Variants in ITPR2 observed in about 807,000 individuals in gnomAD.
ITPR2 encodes inositol 1,4,5-trisphosphate-gated calcium channel ITPR2.
Under a neutral mutation model 317.1 loss-of-function variants are expected in ITPR2, and 207 were observed. The observed-to-expected ratio is 0.65, with a 90% CI of 0.58 to 0.73. The LOEUF is 0.73. ITPR2 is among the 30% of genes least tolerant of loss of function. ITPR2 has a pLI of 0.00. For missense variants in ITPR2, 2,613 were observed against 3,284.0 expected (o/e 0.80, Z 4.99); for synonymous variants, 1,156 against 1,149.1 (o/e 1.01, Z -0.12).
At chr12:26,537,041 T>G (rs936371191) in intron 37 of ITPR2, among the ~76,000 whole-genome samples, 1 of 151,430 alleles carries the variant, frequency 6.6e-6, no homozygotes, top group African/African-American at 2.4e-5. Context: ...GGCCAGGGAG[T>G]CTTCAAATAA....
intron 37 of ITPR2, among the ~76,000 whole-genome samples, chr12:26,500,279 A>G (rs1319427684): frequency 6.6e-6 from 1 of 152,248 alleles, no homozygotes; most frequent in African/African-American, 2.4e-5. Flanking sequence ...TTCTGGTGCC[A>G]GGGTTGCAAA....
chr12:26,367,764 G>C (rs1939054672), intron 55 of ITPR2, among the ~76,000 whole-genome samples: 1 of 152,196 alleles, frequency 6.6e-6, no homozygotes, highest in Admixed American at 6.5e-5. Flanking sequence ...TTGCCAGATA[G>C]AGAAATTGTA....
Position 26,483,683 on chromosome 12 carries a change from G to T in ITPR2, c.6012+15C>A, listed in dbSNP as rs778743535. 3.1e-6 allele frequency: 5 copies of T among 1,595,120 alleles called. No individual in the cohort carries two copies. The highest frequency in any genetic ancestry group is 1.1e-5 in the South Asian group (1 of 90,668). On this transcript the variant is annotated intron_variant, in intron 42 of 56. Coordinates refer to ENST00000381340, the MANE Select transcript of ITPR2 (RefSeq NM_002223.4). The stretch of plus-strand genomic sequence containing the variant: ...TTAATCCCTTTACTAATTAGTCATG[G>T]ATACTTCTGGTTACCTGATTTTCAT...
At chr12:26,383,472 T>C (rs1488719710) in intron 55 of ITPR2, among the ~76,000 whole-genome samples, 1 of 140,294 alleles carries the variant, frequency 7.1e-6, no homozygotes, top group Non-Finnish European at 1.5e-5. Context: ...GTTTTTTTGT[T>C]TGTTTGTTTG....
intron 45 of ITPR2, among the ~76,000 whole-genome samples, chr12:26,447,501 TG>T (rs1941635362): frequency 6.9e-6 from 1 of 145,728 alleles, no homozygotes; most frequent in Non-Finnish European, 1.5e-5. Context: ...CACTTCAGTA[TG>T]GGTCCAAGTA....
chr12:26,746,822 A>G (rs1592092052), intron 2 of ITPR2, among the ~76,000 whole-genome samples: 1 of 147,656 alleles, frequency 6.8e-6, no homozygotes, highest in South Asian at 2.2e-4. Flanking sequence ...GGGTGCATGC[A>G]TGTGTGTGTG....
intron 55 of ITPR2, among the ~76,000 whole-genome samples, chr12:26,341,692 T>G (rs1183323477): frequency 1.3e-5 from 2 of 152,256 alleles, no homozygotes; most frequent in East Asian, 3.8e-4. Context: ...AGTGACAGAT[T>G]CATTCATTCA....
intron 37 of ITPR2, among the ~76,000 whole-genome samples, chr12:26,523,916 C>T (rs1943736657): frequency 2.0e-5 from 3 of 152,214 alleles, no homozygotes. Flanking sequence ...TTGGCAGAGC[C>T]GCCTCAGTGG....
rs1942905460 is a variant in ITPR2 at position 26,495,222 on chromosome 12, A to T, written c.5112T>A (p.Phe1704Leu). 2.5e-6 allele frequency: 4 copies of T among 1,607,496 alleles called. No individual in the cohort carries two copies. Among genetic ancestry groups the T allele is most frequent in the African/African-American group, 1.3e-5 (1 of 74,788 alleles). ...TLRKILLNRY[F>L]KGDYSIGVNG... Reference sequence around the variant, plus strand: ...TCACACCAATACTATAATCACCTTTAAAGTATCGATTCAGAAGTATCTTTC... The same window carrying T: ...TCACACCAATACTATAATCACCTTTTAAGTATCGATTCAGAAGTATCTTTC... The change falls in exon 38 of 57, where the codon TTT (phenylalanine) becomes TTA (leucine). Residue 1704 changes from phenylalanine to leucine, a missense_variant. Phe to Leu is a conservative substitution (Grantham distance 22, BLOSUM62 0). Transcript: ENST00000381340.
chr12:26,399,816 G>A (rs1200732497), intron 53 of ITPR2, among the ~76,000 whole-genome samples: 1 of 152,198 alleles, frequency 6.6e-6, no homozygotes, highest in Admixed American at 6.5e-5. Flanking sequence ...ATAGGCAAGA[G>A]GCAACCTCGT....
At chr12:26,460,607 A>G (rs549094257) in intron 45 of ITPR2, among the ~76,000 whole-genome samples, 1 of 152,310 alleles carries the variant, frequency 6.6e-6, no homozygotes, top group South Asian at 2.1e-4. Context: ...GAGAAGGTGA[A>G]AAGTCTGGAG....
intron 54 of ITPR2, among the ~76,000 whole-genome samples, chr12:26,388,155 T>C (rs11048492): frequency 0.062 from 9,492 of 152,228 alleles, 961 homozygotes; most frequent in African/African-American, 0.22. Context: ...CCAGGCATTT[T>C]GGGCAGGGGG....
At chr12:26,796,661 G>T (rs1381746118) in intron 1 of ITPR2, among the ~76,000 whole-genome samples, 2 of 152,120 alleles carry the variant, frequency 1.3e-5, no homozygotes, top group Non-Finnish European at 2.9e-5. Context: ...GAACAAGAGT[G>T]TTCACGGCAA....
In ITPR2 at chr12:26,648,693, A is replaced by C. The variant is rs1166736288; in HGVS notation, c.2740+5283T>G. 2 of 152,096 alleles carry C rather than the reference A, an allele frequency of 1.3e-5. 1 individual carries two copies. The highest frequency in any genetic ancestry group is 4.1e-4 in the South Asian group (2 of 4,830). 9.4% of individuals were successfully genotyped at this position (152,096 alleles called of 1,614,324 possible). A position where few individuals can be genotyped will look rare whatever the true frequency, so the allele number is the denominator to read the frequency against. ...ATGATACAGAGTATTGTAATGTGGT[A>C]ACATTGCTATGACTCCTAACAGTTG... is the stretch of plus-strand genomic sequence containing the variant. On this transcript the variant is annotated intron_variant, in intron 21 of 56. Coordinates refer to ENST00000381340, the MANE Select transcript of ITPR2 (RefSeq NM_002223.4).
At chr12:26,647,837 G>C (rs7358639) in intron 21 of ITPR2, among the ~76,000 whole-genome samples, 1 of 152,212 alleles carries the variant, frequency 6.6e-6, no homozygotes, top group Admixed American at 6.5e-5. Flanking sequence ...CTACAGTGAA[G>C]GCCACAGCAG....
intron 2 of ITPR2, among the ~76,000 whole-genome samples, chr12:26,739,902 A>C (rs1026648235): frequency 6.6e-6 from 1 of 152,272 alleles, no homozygotes; most frequent in Non-Finnish European, 1.5e-5. Context: ...GAAAAAAGAT[A>C]AACTTTAAAG....
intron 55 of ITPR2, among the ~76,000 whole-genome samples, chr12:26,376,781 G>A (rs1224258815): frequency 6.7e-6 from 1 of 149,328 alleles, no homozygotes; most frequent in Non-Finnish European, 1.5e-5. Flanking sequence ...ACTTGGTCAC[G>A]CAGGCCTGAG....
At chr12:26,425,612 G>A (rs1941034769) in intron 49 of ITPR2, among the ~76,000 whole-genome samples, 1 of 150,284 alleles carries the variant, frequency 6.7e-6, no homozygotes, top group Admixed American at 6.6e-5. Flanking sequence ...AGGTTGCAGT[G>A]AGCCGAGATC....
rs919850038 is a variant in ITPR2, at chr12:26,831,066, T to C, written c.92+1624A>G. Among the ~76,000 whole-genome samples the C allele has an allele frequency of 6.6e-6, 1 of 151,852 alleles. No homozygotes were observed. Among genetic ancestry groups the C allele is most frequent in the Non-Finnish European group, 1.5e-5 (1 of 67,950 alleles). ...GAACCCCCTCTGCTTAACTACTACA[T>C]CACACACACACACCTGGAGAGTCTA... On this transcript the variant is annotated intron_variant, in intron 1 of 56. Coordinates refer to ENST00000381340, the MANE Select transcript of ITPR2 (RefSeq NM_002223.4). This position sits in a 1 kb window ranked among gnomAD's most constrained non-coding sequence, Gnocchi z 4.9.
Sources: allele counts gnomAD v4.1 joint callset (sites outside exome capture counted in the v4.1 genomes callset), GRCh38; gene constraint gnomAD v4.1.1; non-coding constraint Gnocchi (gnomAD v3.1); transcripts MANE v1.5; gene names NCBI Gene and HGNC (gene_info 2026-07-23, HGNC 2026-07-21).